CPA6: variants seen among roughly 807,000 people sequenced by gnomAD.
CPA6 encodes the protein carboxypeptidase A6.
CPA6 carries 58 observed loss-of-function variants against 63.3 expected under a neutral mutation model. The observed-to-expected ratio is 0.92, with a 90% CI of 0.74 to 1.14. The LOEUF is 1.14. CPA6 is among the 50% of genes most tolerant of loss of function. The pLI, the probability that CPA6 is intolerant of heterozygous loss-of-function variation, is 0.00. For synonymous variants in CPA6, 185 were observed against 179.0 expected (o/e 1.03, Z -0.27); for missense variants, 565 against 526.6 (o/e 1.07, Z -0.71).
intron 8 of CPA6, among the ~76,000 whole-genome samples, chr8:67,473,835 G>A (rs1811116136): frequency 6.6e-6 from 1 of 151,998 alleles, no homozygotes; most frequent in Admixed American, 6.6e-5. Flanking sequence ...TCGAAATCCC[G>A]GGCTCAGGTG....
At chr8:67,447,576 CAT>C (rs745891035) in intron 8 of CPA6, among the ~76,000 whole-genome samples, 17 of 151,266 alleles carry the variant, frequency 1.1e-4, no homozygotes, top group Non-Finnish European at 2.2e-4. Flanking sequence ...GATAAATTCA[CAT>C]GATTCAAAAA....
At chr8:67,643,346 A>G (rs6986533) in intron 1 of CPA6, among the ~76,000 whole-genome samples, 52,065 of 151,982 alleles carry the variant, frequency 0.34, 9,085 homozygotes, top group South Asian at 0.44. Flanking sequence ...AGAAAACTAA[A>G]CTGTACCTCT....
At chr8:67,725,905 G>A (rs1817587606) in intron 1 of CPA6, among the ~76,000 whole-genome samples, 1 of 152,104 alleles carries the variant, frequency 6.6e-6, no homozygotes. Flanking sequence ...ATAAATTTTA[G>A]ATATGTATGC....
intron 8 of CPA6, among the ~76,000 whole-genome samples, chr8:67,470,329 CTTGG>C (rs1203166525): frequency 6.8e-4 from 104 of 152,232 alleles, no homozygotes; most frequent in African/African-American, 1.8e-3. Flanking sequence ...CACGCCCGGC[CTTGG>C]ATCATGTTTC....
intron 1 of CPA6, among the ~76,000 whole-genome samples, chr8:67,683,791 T>C (rs1001043009): frequency 2.0e-5 from 3 of 151,786 alleles, no homozygotes; most frequent in African/African-American, 7.3e-5. Flanking sequence ...ATTACCCAAA[T>C]TACTGTTTTA....
At chr8:67,691,768 G>T (rs570967157) in intron 1 of CPA6, among the ~76,000 whole-genome samples, 51 of 152,322 alleles carry the variant, frequency 3.3e-4, no homozygotes, top group Admixed American at 5.9e-4. Context: ...ATGCTGAGTA[G>T]ATTTCAGGGA....
chr8:67,492,053 A>G (rs139492096), intron 6 of CPA6, among the ~76,000 whole-genome samples: 3 of 152,320 alleles, frequency 2.0e-5, no homozygotes, highest in Non-Finnish European at 4.4e-5. Flanking sequence ...AAATTGTCCA[A>G]CTAAGGTGAA....
Position 67,715,221 on chromosome 8 carries a change from C to T in CPA6, c.116+30793G>A, listed in dbSNP as rs545701414. On this transcript the variant is annotated intron_variant, in intron 1 of 10. Coordinates refer to ENST00000297770, the MANE Select transcript of CPA6 (RefSeq NM_020361.5). ...CCCTGCCACAGGTTAAGGGCTCAGC[C>T]AGCCTCACAAGCCTGCCTCTACTTC... Among the ~76,000 whole-genome samples the T allele has an allele frequency of 6.1e-4, 93 of 152,302 alleles. 2 individuals carry two copies. In the South Asian group the frequency reaches 0.011, roughly 19 times the overall value.
chr8:67,543,615 T>C (rs907240780), intron 2 of CPA6, among the ~76,000 whole-genome samples: 4 of 152,154 alleles, frequency 2.6e-5, no homozygotes, highest in African/African-American at 7.2e-5. Context: ...AAATTCATGA[T>C]AAATAATGAG....
chr8:67,517,269 A>G (rs1812164943), intron 3 of CPA6, among the ~76,000 whole-genome samples: 1 of 152,104 alleles, frequency 6.6e-6, no homozygotes. Context: ...CTGCTCTGAA[A>G]TATTTTTTTA....
At chr8:67,474,693 T>C (rs1811135747) in intron 8 of CPA6, among the ~76,000 whole-genome samples, 1 of 152,120 alleles carries the variant, frequency 6.6e-6, no homozygotes, top group Admixed American at 6.6e-5. Context: ...CCAGTTCTTC[T>C]GGTCGGACAT....
chr8:67,605,344 C>A (rs959342201), intron 2 of CPA6, among the ~76,000 whole-genome samples: 5 of 151,946 alleles, frequency 3.3e-5, no homozygotes, highest in African/African-American at 1.2e-4. Flanking sequence ...TTCTAGGGCC[C>A]CCATGGATAC....
In CPA6 at chr8:67,509,534, A is replaced by C. The variant is rs1587505420; in HGVS notation, c.517T>G (p.Ser173Ala). The C allele has an allele frequency of 6.4e-7, 1 of 1,552,588 alleles. No individual in the cohort carries two copies. The highest frequency in any genetic ancestry group is 8.8e-7 in the Non-Finnish European group (1 of 1,131,012). The change falls in exon 5 of 11, where the codon TCT becomes GCT. Residue 173 changes from serine to alanine, a missense_variant. Transcript: ENST00000297770. Reference protein sequence around the residue: ...FSIGRSYEGRSLFILKLGRRS... With the variant: ...FSIGRSYEGRALFILKLGRRS... ...ATTTTTACCTTTAAAATAAAAAGAG[A>C]TCTTCCCTCATATGATCTTCCAATA...
rs1817710142 is a variant in CPA6 at position 67,731,782 on chromosome 8, TAAAG to T, written c.116+14228_116+14231del. On this transcript the variant is annotated intron_variant, in intron 1 of 10. Coordinates refer to ENST00000297770, the MANE Select transcript of CPA6 (RefSeq NM_020361.5). ...GCACCTAAAGAGATAGAAAAAAAGT[TAAAG>T]GAAGAATACGACCAATAAAGTTCTG... Among the ~76,000 whole-genome samples, 7 of 152,184 alleles carry T rather than the reference TAAAG, an allele frequency of 4.6e-5. No individual in the cohort carries two copies. The South Asian group carries it at 1.4e-3, about 31-fold the overall frequency.
intron 6 of CPA6, among the ~76,000 whole-genome samples, chr8:67,488,658 CATG>C (rs1811538500): frequency 1.3e-5 from 2 of 152,306 alleles, no homozygotes; most frequent in South Asian, 4.1e-4. Context: ...TGGCCATTTT[CATG>C]ATATTGATTC....
chr8:67,694,894 T>A (rs1299851461), intron 1 of CPA6, among the ~76,000 whole-genome samples: 1 of 152,096 alleles, frequency 6.6e-6, no homozygotes, highest in African/African-American at 2.4e-5. Flanking sequence ...AGACGTGTGA[T>A]TATATACTGA....
Position 67,439,596 on chromosome 8 carries a change from A to AAAAAAGAAAGAAAAAG in CPA6, c.839-5372_839-5357dup, listed in dbSNP as rs1167706786. Among the ~76,000 whole-genome samples the AAAAAAGAAAGAAAAAG allele has an allele frequency of 2.0e-3, 310 of 151,972 alleles. 3 individuals carry two copies. The East Asian group carries it at 0.047, about 23-fold the overall frequency. On this transcript the variant is annotated intron_variant, in intron 8 of 10. Coordinates refer to ENST00000297770, the MANE Select transcript of CPA6 (RefSeq NM_020361.5). The stretch of plus-strand genomic sequence containing the variant: ...AAGAGCAAGACTCGGTCTCAAAAAA[A>AAAAAAGAAAGAAAAAG]AAAAAGAAAGAAAAAGAAAAAGAAA...
chr8:67,496,519 TTATATATATATATATATATATATATATA>T (rs1163959938), intron 6 of CPA6, among the ~76,000 whole-genome samples: 45 of 94,124 alleles, frequency 4.8e-4, no homozygotes, highest in African/African-American at 2.1e-3. Context: ...ACTATATAGT[TTATATATATATATATATATATATATATA>T]TATATATATA....
At chr8:67,530,463 T>TA (rs887840316) in intron 2 of CPA6, among the ~76,000 whole-genome samples, 1 of 152,178 alleles carries the variant, frequency 6.6e-6, no homozygotes, top group Non-Finnish European at 1.5e-5. Flanking sequence ...TCCTGGGACT[T>TA]ACGTTTCTAG....
Sources: allele counts gnomAD v4.1 joint callset (sites outside exome capture counted in the v4.1 genomes callset), GRCh38; gene constraint gnomAD v4.1.1; transcripts MANE v1.5; gene names NCBI Gene and HGNC (gene_info 2026-07-23, HGNC 2026-07-21).